Variants in BCL11A observed in about 807,000 individuals in gnomAD.
BCL11A encodes the protein B cell CLL/lymphoma 11A.
A neutral mutation model predicts 55.9 loss-of-function variants in BCL11A; 2 were observed. The ratio of observed to expected loss-of-function variants is 0.04; its 90% CI spans 0.01 to 0.11. The LOEUF (loss-of-function observed/expected upper bound fraction) is 0.11. Ranked by LOEUF, BCL11A falls within the 10% of genes least tolerant of loss-of-function variation. The pLI, the probability that BCL11A is intolerant of heterozygous loss-of-function variation, is 1.00. For synonymous variants in BCL11A, 465 were observed against 473.4 expected (o/e 0.98, Z 0.23); for missense variants, 817 against 1,137.1 (o/e 0.72, Z 4.05).
At chr2:60,475,571 A>G (rs867842258) in intron 2 of BCL11A, among the ~76,000 whole-genome samples, 4 of 152,222 alleles carry the variant, frequency 2.6e-5, no homozygotes, top group South Asian at 4.1e-4. Flanking sequence ...TGCAAGAAAC[A>G]TTGAGATTTT....
chr2:60,511,566 T>A lies in BCL11A; in HGVS notation c.385+34405A>T, dbSNP rs1280565782. ...TTTCCTTCTTCTTTTTTGGGGCTAT[T>A]TTAAGTTAACAGAGCGCTAATCTGA... On this transcript the variant is annotated intron_variant, in intron 2 of 3. Transcript: ENST00000642384. Among the ~76,000 whole-genome samples the A allele has an allele frequency of 7.9e-5, 12 of 152,194 alleles. 1 individual carries two copies. Among genetic ancestry groups the A allele is most frequent in the Admixed American group, 7.8e-4 (12 of 15,288 alleles).
At chr2:60,551,258 A>G (rs1439452890) in intron 1 of BCL11A, among the ~76,000 whole-genome samples, 2 of 152,356 alleles carry the variant, frequency 1.3e-5, no homozygotes, top group African/African-American at 4.8e-5. Context: ...AGGCGCAGTC[A>G]GCGGGAGACA....
chr2:60,512,820 G>A (rs1472168411), intron 2 of BCL11A, among the ~76,000 whole-genome samples: 3 of 152,118 alleles, frequency 2.0e-5, no homozygotes, highest in Non-Finnish European at 4.4e-5. Flanking sequence ...CTCTGATGAC[G>A]GATAGGAGAA....
chr2:60,514,944 C>G (rs533057362), intron 2 of BCL11A, among the ~76,000 whole-genome samples: 1 of 152,064 alleles, frequency 6.6e-6, no homozygotes, highest in East Asian at 1.9e-4. Context: ...AAGAGCCAGT[C>G]AAAGCCACCC....
At chr2:60,551,401 A>T (rs182943558) in intron 1 of BCL11A, among the ~76,000 whole-genome samples, 83 of 152,028 alleles carry the variant, frequency 5.5e-4, no homozygotes, top group African/African-American at 1.9e-3. Flanking sequence ...ACACTCAAAC[A>T]CACTTCTCCC....
chr2:60,472,096 G>A (rs997898894), intron 2 of BCL11A, among the ~76,000 whole-genome samples: 13 of 152,138 alleles, frequency 8.5e-5, no homozygotes, highest in African/African-American at 3.1e-4. Context: ...ATTAAGCTTA[G>A]GGAATCCCTA....
chr2:60,545,737 T>G, intron 2 of BCL11A: 1 of 515,496 alleles, frequency 1.9e-6, no homozygotes. Flanking sequence ...AGAGAAGGTG[T>G]CTGATGTGTG....
intron 2 of BCL11A, chr2:60,508,700 G>C (rs920480347): frequency 6.6e-6 from 1 of 152,268 alleles, no homozygotes; most frequent in African/African-American, 2.4e-5. Flanking sequence ...AGAAGCTGGC[G>C]CTCAGCTACA....
Position 60,460,356 on chromosome 2 carries a change from G to GA in BCL11A, c.*47dup, listed in dbSNP as rs553161595. The GA allele has an allele frequency of 4.5e-6, 7 of 1,546,856 alleles. No individual in the cohort carries two copies. The South Asian group carries it at 8.7e-5, about 19-fold the overall frequency. On this transcript the variant is annotated 3_prime_UTR_variant, in exon 4 of 4. Transcript: ENST00000642384. The stretch of plus-strand genomic sequence containing the variant: ...GAGGGCGATGGGGAAGGGGAGTGGT[G>GA]AAAAAGGGGGTGTCAGGTGGGAGTG...
At chr2:60,511,805 C>T (rs1277910161) in intron 2 of BCL11A, among the ~76,000 whole-genome samples, 1 of 152,194 alleles carries the variant, frequency 6.6e-6, no homozygotes, top group Non-Finnish European at 1.5e-5. Flanking sequence ...GTCATTAATT[C>T]TTCTCCAAGC....
intron 2 of BCL11A, chr2:60,537,500 T>A (rs1040350678): frequency 6.6e-6 from 1 of 152,250 alleles, no homozygotes; most frequent in African/African-American, 2.4e-5. Flanking sequence ...ACTTCAGGTT[T>A]GGTTCTCTTA....
At chr2:60,549,850 C>G (rs1413523868) in intron 1 of BCL11A, 1 of 152,300 alleles carries the variant, frequency 6.6e-6, no homozygotes, top group African/African-American at 2.4e-5. Context: ...CAAGCTTACA[C>G]TTTTTACTTT....
intron 2 of BCL11A, among the ~76,000 whole-genome samples, chr2:60,529,437 G>C (rs1477619172): frequency 1.3e-5 from 2 of 152,168 alleles, no homozygotes; most frequent in Non-Finnish European, 2.9e-5. Context: ...TTTACCCTCA[G>C]CCTAAACCAT....
Position 60,460,840 on chromosome 2 carries a change from G to C in BCL11A, c.2072C>G (p.Ser691Cys), listed in dbSNP as rs1215685121. The C allele has an allele frequency of 6.2e-7, 1 of 1,612,700 alleles. No individual in the cohort carries two copies. The highest frequency in any genetic ancestry group is 8.5e-7 in the Non-Finnish European group (1 of 1,179,916). ...GAAGCGCAAACTCCCGTTCTCCGAGGAGTGCTCCGACGAGGAGGCAAAAGG... is the reference window on the plus strand; with the variant it reads ...GAAGCGCAAACTCCCGTTCTCCGAGCAGTGCTCCGACGAGGAGGCAAAAGG... ...QSPFASSSEH[S>C]SENGSLRFST... Residue 691 changes from serine to cysteine, a missense_variant, in exon 4 of 4, where the codon TCC becomes TGC. Physicochemically the swap from Ser to Cys is moderately radical, Grantham distance 112 (BLOSUM62 -1). Transcript: ENST00000642384.
intron 2 of BCL11A, among the ~76,000 whole-genome samples, chr2:60,504,181 G>A (rs547013141): frequency 2.0e-5 from 3 of 152,166 alleles, no homozygotes; most frequent in Non-Finnish European, 2.9e-5. Flanking sequence ...ATGCTCAGCC[G>A]GGCACAAGAG....
intron 2 of BCL11A, among the ~76,000 whole-genome samples, chr2:60,471,669 G>A (rs895134160): frequency 1.3e-5 from 2 of 152,182 alleles, no homozygotes; most frequent in Non-Finnish European, 2.9e-5. Context: ...TCCCACCTTC[G>A]CTTTCATTCT....
chr2:60,515,356 G>A (rs1265774268), intron 2 of BCL11A, among the ~76,000 whole-genome samples: 1 of 152,204 alleles, frequency 6.6e-6, no homozygotes, highest in African/African-American at 2.4e-5. Context: ...CAAGCAGCGT[G>A]AGCAAAGTAC....
intron 2 of BCL11A, among the ~76,000 whole-genome samples, chr2:60,513,376 G>T (rs1157465587): frequency 6.6e-6 from 1 of 152,146 alleles, no homozygotes; most frequent in African/African-American, 2.4e-5. Context: ...CATCTGCCGG[G>T]TGCTTCTGGA....
At chr2:60,491,777 C>T (rs960295246) in intron 2 of BCL11A, among the ~76,000 whole-genome samples, 3 of 152,140 alleles carry the variant, frequency 2.0e-5, no homozygotes, top group Admixed American at 6.5e-5. Context: ...ATCATCACTC[C>T]GTGTTGAGAG....
Sources: allele counts gnomAD v4.1 joint callset (sites outside exome capture counted in the v4.1 genomes callset), GRCh38; gene constraint gnomAD v4.1.1; transcripts MANE v1.5; gene names NCBI Gene and HGNC (gene_info 2026-07-23, HGNC 2026-07-21).